The following SLC8A1 variants were observed in gnomAD, a reference collection of about 807,000 sequenced individuals.
SLC8A1 encodes sodium/calcium exchanger 1.
In SLC8A1, 18 loss-of-function variants were observed where a neutral mutation model predicts 68.3. The observed-to-expected ratio is 0.26, with a 90% CI of 0.18 to 0.39. The LOEUF (loss-of-function observed/expected upper bound fraction) is 0.39. Ranked by LOEUF, SLC8A1 falls within the 10% of genes least tolerant of loss-of-function variation. The probability of loss-of-function intolerance (pLI) is 1.00; values close to 1 mark genes in which losing one functional copy is unlikely to be tolerated. For missense variants in SLC8A1, 985 were observed against 1,156.7 expected, an observed-to-expected ratio of 0.85 and a Z score of 2.15; for synonymous variants, 475 against 415.5, an observed-to-expected ratio of 1.14 and a Z score of -1.74.
Position 40,394,892 on chromosome 2 carries a change from A to G in SLC8A1, c.1808+33581T>C, listed in dbSNP as rs138549828. The stretch of plus-strand genomic sequence containing the variant: ...TCAGTTGTTAGCATCTTCTGTGCCA[A>G]GAACTCTACCCCAATCCCAGAGAGG... On this transcript the variant is annotated intron_variant, in intron 2 of 7. Coordinates refer to ENST00000406785, the Ensembl canonical transcript of SLC8A1. 7.1e-3 allele frequency among the ~76,000 whole-genome samples: 1,086 copies of G among 152,286 alleles called. 9 individuals carry two copies. Among genetic ancestry groups the G allele is most frequent in the African/African-American group, 0.025 (1,020 of 41,564 alleles).
intron 2 of SLC8A1, among the ~76,000 whole-genome samples, chr2:40,368,761 T>G (rs923783273): frequency 6.6e-6 from 1 of 151,754 alleles, no homozygotes; most frequent in Non-Finnish European, 1.5e-5. Context: ...TATGTGTTGT[T>G]CCCCTCTATG....
intron 2 of SLC8A1, among the ~76,000 whole-genome samples, chr2:40,237,698 C>T (rs1574503120): frequency 6.6e-6 from 1 of 151,914 alleles, no homozygotes. Flanking sequence ...TTAGAGTTTC[C>T]AGTTTTTCTG....
At chr2:40,159,751 CAAAAAACCAAA>C (rs2045326820) in intron 6 of SLC8A1, among the ~76,000 whole-genome samples, 2 of 152,046 alleles carry the variant, frequency 1.3e-5, no homozygotes, top group Non-Finnish European at 2.9e-5. Context: ...TATTCAATTG[CAAAAAACCAAA>C]GCAAGATTAT....
At chr2:40,451,498 G>T (rs1307761448) in intron 1 of SLC8A1, among the ~76,000 whole-genome samples, 21 of 152,140 alleles carry the variant, frequency 1.4e-4, no homozygotes, top group Non-Finnish European at 1.5e-5. Flanking sequence ...TCCAGTGGGT[G>T]GGGACGCCTG....
At chr2:40,511,411 AT>A (rs762997209) in intron 1 of SLC8A1, among the ~76,000 whole-genome samples, 2 of 152,164 alleles carry the variant, frequency 1.3e-5, no homozygotes, top group African/African-American at 2.4e-5. Context: ...ATATGCTTTA[AT>A]TTAATAACTA....
upstream of SLC8A1, among the ~76,000 whole-genome samples, chr2:40,454,186 A>T (rs1702851874): frequency 6.6e-6 from 1 of 152,208 alleles, no homozygotes; most frequent in Non-Finnish European, 1.5e-5. Flanking sequence ...TGGAGAGAAA[A>T]GTGGCTGCCT....
At chr2:40,261,930 T>C (rs2064762367) in intron 2 of SLC8A1, among the ~76,000 whole-genome samples, 1 of 152,136 alleles carries the variant, frequency 6.6e-6, no homozygotes, top group South Asian at 2.1e-4. Flanking sequence ...GCTCCACAAT[T>C]GTAAGCTCCT....
chr2:40,212,330 G>A (rs1431844140), intron 2 of SLC8A1, among the ~76,000 whole-genome samples: 1 of 135,838 alleles, frequency 7.4e-6, no homozygotes, highest in Admixed American at 8.5e-5. Context: ...TTGTCGACAG[G>A]CTGGAATGCA....
At chr2:40,160,593 G>A (rs1367684730) in intron 6 of SLC8A1, among the ~76,000 whole-genome samples, 172 bp downstream of exon 9, 1 of 152,188 alleles carries the variant, frequency 6.6e-6, no homozygotes, top group East Asian at 1.9e-4. Context: ...GCTTCATCTA[G>A]ATAGTCAATT....
At chr2:40,286,260 C>A (rs1275921516) in intron 2 of SLC8A1, among the ~76,000 whole-genome samples, 4 of 152,110 alleles carry the variant, frequency 2.6e-5, no homozygotes, top group Non-Finnish European at 5.9e-5. Flanking sequence ...TAGGGATAAC[C>A]CCAGGTTCAC....
intron 1 of SLC8A1, among the ~76,000 whole-genome samples, chr2:40,507,150 C>T (rs576447048): frequency 2.6e-5 from 4 of 151,952 alleles, no homozygotes; most frequent in East Asian, 1.9e-4. Context: ...AAATTTAGCA[C>T]GTATGGGTGA....
chr2:40,391,704 C>G (rs1319659608), intron 2 of SLC8A1, among the ~76,000 whole-genome samples: 1 of 151,982 alleles, frequency 6.6e-6, no homozygotes, highest in Non-Finnish European at 1.5e-5. Context: ...AGTCCCAGAC[C>G]CTCAAATTAT....
intron 2 of SLC8A1, among the ~76,000 whole-genome samples, chr2:40,232,287 G>C (rs2059752535): frequency 6.6e-6 from 1 of 152,086 alleles, no homozygotes; most frequent in African/African-American, 2.4e-5. Flanking sequence ...AAGAAATCAG[G>C]GGCATACAGG....
chr2:40,250,330 C>G (rs559550651), intron 2 of SLC8A1: 13 of 152,230 alleles, frequency 8.5e-5, no homozygotes, highest in African/African-American at 2.9e-4. Flanking sequence ...ATAATATATG[C>G]ATTACGAAGA....
intron 2 of SLC8A1, among the ~76,000 whole-genome samples, chr2:40,363,151 G>A (rs1675086700): frequency 6.6e-6 from 1 of 151,978 alleles, no homozygotes; most frequent in Non-Finnish European, 1.5e-5. Flanking sequence ...ACTGAAGGTT[G>A]GTATTAGATG....
chr2:40,432,902 C>T (rs920581098), intron 1 of SLC8A1, among the ~76,000 whole-genome samples: 3 of 152,068 alleles, frequency 2.0e-5, no homozygotes, highest in Non-Finnish European at 2.9e-5. Context: ...CAATACTTGG[C>T]AGGTATACAA....
intron 2 of SLC8A1, chr2:40,251,635 G>A (rs1404239676): frequency 6.6e-6 from 1 of 152,126 alleles, no homozygotes; most frequent in East Asian, 1.9e-4. Flanking sequence ...TAGTCTTACA[G>A]GGGATCTTTT....
intron 1 of SLC8A1, among the ~76,000 whole-genome samples, chr2:40,457,302 T>C (rs572991353): frequency 2.0e-5 from 3 of 152,330 alleles, no homozygotes; most frequent in Admixed American, 2.0e-4. Context: ...AGTTGTTCCC[T>C]ACAATCCAGT....
chr2:40,446,370 G>A (rs1352678068), intron 1 of SLC8A1: 1 of 152,172 alleles, frequency 6.6e-6, no homozygotes, highest in Non-Finnish European at 1.5e-5. Flanking sequence ...ACACAGAACG[G>A]AATGAAAGGG....
Sources: gnomAD v4.1 joint callset for allele counts (sites outside exome capture counted in the v4.1 genomes callset) on GRCh38, gnomAD v4.1.1 for gene constraint, MANE v1.5 for transcripts, NCBI Gene and HGNC (gene_info 2026-07-23, HGNC 2026-07-21) for gene names.